The following CNBD1 variants were observed in gnomAD, a reference collection of about 807,000 sequenced individuals.
CNBD1 encodes cyclic nucleotide binding domain containing 1.
CNBD1 carries 71 observed loss-of-function variants against 54.4 expected under a neutral mutation model. That is an observed-to-expected ratio of 1.30 (90% CI 1.08 to 1.59). The LOEUF (loss-of-function observed/expected upper bound fraction) is 1.59, where lower values mean the gene tolerates loss of function less well. Among genes scored for constraint, CNBD1 ranks in the 40% most tolerant of loss-of-function variants. CNBD1 has a pLI of 0.00. For synonymous variants in CNBD1, 182 were observed against 170.7 expected (o/e 1.07, Z -0.51); for missense variants, 659 against 518.0 (o/e 1.27, Z -2.64).
At chr8:87,003,213 A>C (rs1018197002) in intron 4 of CNBD1, among the ~76,000 whole-genome samples, 2 of 152,212 alleles carry the variant, frequency 1.3e-5, no homozygotes, top group Non-Finnish European at 2.9e-5. Context: ...TATTTAAAAC[A>C]TTTTGTGATT....
intron 4 of CNBD1, among the ~76,000 whole-genome samples, chr8:86,954,736 G>C (rs963631675): frequency 6.6e-6 from 1 of 152,142 alleles, no homozygotes; most frequent in African/African-American, 2.4e-5. Flanking sequence ...TACATACTTA[G>C]ATGCAGATAA....
At chr8:87,242,406 A>C (rs1288121698) in intron 6 of CNBD1, among the ~76,000 whole-genome samples, 1 of 152,220 alleles carries the variant, frequency 6.6e-6, no homozygotes, top group Non-Finnish European at 1.5e-5. Context: ...CTTCATCTGC[A>C]TAATAAGAAC....
intron 4 of CNBD1, among the ~76,000 whole-genome samples, chr8:86,961,444 T>C (rs949215631): frequency 1.3e-5 from 2 of 152,210 alleles, no homozygotes; most frequent in African/African-American, 4.8e-5. Flanking sequence ...TGCAATGCAA[T>C]CTTACTTTCC....
chr8:87,358,261 T>C (rs913749478), intron 10 of CNBD1, among the ~76,000 whole-genome samples: 1 of 152,116 alleles, frequency 6.6e-6, no homozygotes, highest in Non-Finnish European at 1.5e-5. Flanking sequence ...TAACTCAAAA[T>C]GAAAAAAATT....
chr8:87,083,213 A>T (rs1044369478), intron 4 of CNBD1, among the ~76,000 whole-genome samples: 3 of 152,222 alleles, frequency 2.0e-5, no homozygotes, highest in African/African-American at 7.2e-5. Context: ...GCGATATTTT[A>T]AAATGGCGCT....
chr8:87,223,916 T>A (rs1033541600), intron 5 of CNBD1, among the ~76,000 whole-genome samples: 12 of 152,216 alleles, frequency 7.9e-5, no homozygotes, highest in Non-Finnish European at 1.6e-4. Context: ...GCTTCCTGAC[T>A]TTTTAATGAT....
intron 4 of CNBD1, among the ~76,000 whole-genome samples, chr8:87,081,089 G>T (rs539471099): frequency 2.0e-4 from 31 of 151,816 alleles, no homozygotes; most frequent in Admixed American, 1.0e-3. Context: ...TAAGGTGGAG[G>T]TTTACATTAT....
At chr8:87,303,747 A>G (rs13256039) in intron 8 of CNBD1, among the ~76,000 whole-genome samples, 75,075 of 137,876 alleles carry the variant, frequency 0.54, 22,155 homozygotes, top group African/African-American at 0.75. Context: ...TCTGACAAAG[A>G]GCTAATATCC....
At chr8:87,341,606 C>T (rs988213563) in intron 8 of CNBD1, among the ~76,000 whole-genome samples, 4 of 152,176 alleles carry the variant, frequency 2.6e-5, no homozygotes, top group Admixed American at 6.5e-5. Flanking sequence ...GTAATTGAAT[C>T]ATGAGGGCTC....
intron 8 of CNBD1, among the ~76,000 whole-genome samples, chr8:87,294,425 C>T (rs753267912): frequency 3.9e-5 from 6 of 152,146 alleles, no homozygotes; most frequent in African/African-American, 7.2e-5. Flanking sequence ...ACACTGAGAA[C>T]GGATTCTCAA....
At chr8:87,266,793 A>G (rs1195694641) in intron 6 of CNBD1, among the ~76,000 whole-genome samples, 1 of 152,140 alleles carries the variant, frequency 6.6e-6, no homozygotes, top group African/African-American at 2.4e-5. Context: ...AAGAGCAGTG[A>G]GTAATGTGGG....
chr8:87,311,338 CAT>C (rs1201499358), intron 8 of CNBD1, among the ~76,000 whole-genome samples: 2 of 152,000 alleles, frequency 1.3e-5, no homozygotes, highest in Non-Finnish European at 2.9e-5. Context: ...AGCCAACAAA[CAT>C]GTAAAAATGC....
At chr8:86,967,450 G>A (rs1808109810) in intron 4 of CNBD1, among the ~76,000 whole-genome samples, 1 of 152,230 alleles carries the variant, frequency 6.6e-6, no homozygotes, top group Non-Finnish European at 1.5e-5. Context: ...TCCCAACTCA[G>A]AAGGGGCGGG....
chr8:87,206,992 A>C (rs1463733575), intron 5 of CNBD1, among the ~76,000 whole-genome samples: 7 of 152,082 alleles, frequency 4.6e-5, no homozygotes, highest in South Asian at 2.1e-4. Flanking sequence ...ACTTAACTGG[A>C]ATTTTAAAGA....
chr8:87,060,393 G>A (rs1183640906), intron 4 of CNBD1, among the ~76,000 whole-genome samples: 1 of 152,166 alleles, frequency 6.6e-6, no homozygotes, highest in African/African-American at 2.4e-5. Context: ...ACAAGTATTG[G>A]TGCATGGACA....
At chr8:87,123,626 A>T (rs1174277925) in intron 4 of CNBD1, among the ~76,000 whole-genome samples, 1 of 151,706 alleles carries the variant, frequency 6.6e-6, no homozygotes, top group African/African-American at 2.4e-5. Context: ...AGATGAAAAA[A>T]CCAAGTCCAT....
At chr8:87,034,563 T>C (rs1028605146) in intron 4 of CNBD1, among the ~76,000 whole-genome samples, 1 of 152,240 alleles carries the variant, frequency 6.6e-6, no homozygotes, top group East Asian at 1.9e-4. Context: ...GATGGTGCCA[T>C]GTAGGTATGA....
intron 4 of CNBD1, among the ~76,000 whole-genome samples, chr8:87,153,974 AG>A (rs1192960402): frequency 6.6e-6 from 1 of 152,192 alleles, no homozygotes; most frequent in Non-Finnish European, 1.5e-5. Flanking sequence ...ACGGAACTGA[AG>A]GAAGTTCAGG....
rs557666141 is a variant in CNBD1, at chr8:87,263,502, C to A, written c.772-21176C>A. 1.2e-4 allele frequency among the ~76,000 whole-genome samples: 19 copies of A among 152,110 alleles called. No homozygotes were observed. In the South Asian group the frequency reaches 3.9e-3, roughly 31 times the overall value. On this transcript the variant is annotated intron_variant, in intron 6 of 10. Coordinates refer to ENST00000518476, the MANE Select transcript of CNBD1 (RefSeq NM_173538.3). ...CTCAGCCAACATGTAAATAAATACACACAGTCACAAACAAAATTGTTTTCA... is the reference window on the plus strand; with the variant it reads ...CTCAGCCAACATGTAAATAAATACAAACAGTCACAAACAAAATTGTTTTCA...
Sources: gnomAD v4.1 joint callset for allele counts (sites outside exome capture counted in the v4.1 genomes callset) on GRCh38, gnomAD v4.1.1 for gene constraint, MANE v1.5 for transcripts, NCBI Gene and HGNC (gene_info 2026-07-23, HGNC 2026-07-21) for gene names.